The following CLN6 variants were observed in gnomAD, a reference collection of about 807,000 sequenced individuals.
CLN6 encodes the protein CLN6 transmembrane ER protein.
A neutral mutation model predicts 33.3 loss-of-function variants in CLN6; 22 were observed. The ratio of observed to expected loss-of-function variants is 0.66; its 90% CI spans 0.47 to 0.94. The LOEUF (loss-of-function observed/expected upper bound fraction) is 0.94, where lower values mean the gene tolerates loss of function less well. CLN6 is among the 40% of genes least tolerant of loss of function. The pLI, the probability that CLN6 is intolerant of heterozygous loss-of-function variation, is 0.00. For missense variants in CLN6, 387 were observed against 417.1 expected, an observed-to-expected ratio of 0.93 and a Z score of 0.63; for synonymous variants, 201 against 174.6, an observed-to-expected ratio of 1.15 and a Z score of -1.19.
At chr15:68,218,738 G>A in intron 1 of CLN6, 88 bp from the exon 2 acceptor site, 1 of 927,424 alleles carries the variant, frequency 1.1e-6, no homozygotes, top group Non-Finnish European at 1.7e-6. Flanking sequence ...GAGGTCTGGG[G>A]ACTTGAGGAC....
In CLN6 at chr15:68,210,518, T is replaced by C. The variant is rs1010650137; in HGVS notation, c.542+745A>G. Among the ~76,000 whole-genome samples the C allele has an allele frequency of 6.6e-6, 1 of 152,198 alleles. No individual in the cohort carries two copies. ...CCTGGAAATGCCCGTGCAGGGTGCG[T>C]GTGCTGTGAGCACCAACTCAGGAGT... is the stretch of plus-strand genomic sequence containing the variant. On this transcript the variant is annotated intron_variant, in intron 5 of 6. Transcript: ENST00000249806. The surrounding 1 kb of genome is among the most constrained non-coding windows in gnomAD (Gnocchi z 5.6).
chr15:68,226,355 CTGTT>C (rs2093251945), intron 1 of CLN6, among the ~76,000 whole-genome samples: 1 of 151,374 alleles, frequency 6.6e-6, no homozygotes, highest in African/African-American at 2.4e-5. Flanking sequence ...ACTTTGGAGA[CTGTT>C]TGGGTTCATA....
At position 68,234,825 on chromosome 15, in the gene CLN6, T is replaced by C. The variant is rs1567103166; in HGVS notation, c.180-16175A>G. The stretch of plus-strand genomic sequence containing the variant: ...TGAGGTCGGGAGTTTGAGACCAGCC[T>C]GGCCAACATAGTGAAACTCCGTCTC... On this transcript the variant is annotated intron_variant, in intron 1 of 6. Transcript: ENST00000538696. This position sits in a 1 kb window ranked among gnomAD's most constrained non-coding sequence, Gnocchi z 4.1. Among the ~76,000 whole-genome samples, 1 of 152,188 alleles carries C rather than the reference T, an allele frequency of 6.6e-6. No individual in the cohort carries two copies. Among genetic ancestry groups the C allele is most frequent in the Non-Finnish European group, 1.5e-5 (1 of 68,034 alleles).
In CLN6 at chr15:68,210,861, C is replaced by T. The variant is rs928201705; in HGVS notation, c.542+402G>A. Among the ~76,000 whole-genome samples the T allele has an allele frequency of 6.6e-6, 1 of 152,148 alleles. No homozygotes were observed. The highest frequency in any genetic ancestry group is 2.4e-5 in the African/African-American group (1 of 41,432). On this transcript the variant is annotated intron_variant, in intron 5 of 6. Transcript: ENST00000249806. The surrounding 1 kb of genome is among the most constrained non-coding windows in gnomAD (Gnocchi z 5.6). ...AGCAGGCCCGACACGGGTGGGGGTCCCTGGCTGTGCCCCCACCCCCTGCCA... is the reference window on the plus strand; with the variant it reads ...AGCAGGCCCGACACGGGTGGGGGTCTCTGGCTGTGCCCCCACCCCCTGCCA...
chr15:68,213,390 C>G, intron 3 of CLN6: 4 of 152,026 alleles, frequency 2.6e-5, no homozygotes, highest in Non-Finnish European at 5.9e-5. Context: ...AGGTGCCTGC[C>G]AGCATGCCCG....
rs1410069265 is a variant in CLN6, at chr15:68,211,034, G to C, written c.542+229C>G. ...TGGGCGGGGGTGGCGATGCTGGGGG[G>C]ATGCTGGCTGGAAGCCGGGGCCTGG... On this transcript the variant is annotated intron_variant, in intron 5 of 6. Transcript: ENST00000249806. This position sits in a 1 kb window ranked among gnomAD's most constrained non-coding sequence, Gnocchi z 5.9. Among the ~76,000 whole-genome samples the C allele has an allele frequency of 6.6e-6, 1 of 152,208 alleles. No individual in the cohort carries two copies. Among genetic ancestry groups the C allele is most frequent in the Non-Finnish European group, 1.5e-5 (1 of 68,030 alleles).
At chr15:68,217,394 T>C (rs2093223472) in intron 2 of CLN6, among the ~76,000 whole-genome samples, 1 of 152,188 alleles carries the variant, frequency 6.6e-6, no homozygotes, top group Admixed American at 6.5e-5. Context: ...CACACCCAGC[T>C]AATTTACAAA....
At chr15:68,229,793 GGGAGA>G, upstream of CLN6, 1 of 349,858 alleles carries the variant, frequency 2.9e-6, no homozygotes, top group East Asian at 4.8e-5. Context: ...GCGGGGCGGA[GGGAGA>G]CGGGGCGGGC....
chr15:68,221,175 T>C (rs1487222430), intron 1 of CLN6, among the ~76,000 whole-genome samples: 1 of 151,944 alleles, frequency 6.6e-6, no homozygotes, highest in African/African-American at 2.4e-5. Context: ...CTGTTTTTGA[T>C]TACTAGGCTT....
intron 1 of CLN6, among the ~76,000 whole-genome samples, chr15:68,225,240 G>GT (rs2093248509): frequency 1.3e-5 from 2 of 152,290 alleles, no homozygotes; most frequent in East Asian, 3.9e-4. Context: ...GAAAGCAAAT[G>GT]TAACTGTTAA....
Position 68,207,840 on chromosome 15 carries a change from G to A in CLN6, c.*300C>T, listed in dbSNP as rs886051439. 8.9e-6 allele frequency: 4 copies of A among 448,660 alleles called. No homozygotes were observed. Among genetic ancestry groups the A allele is most frequent in the Admixed American group, 3.4e-5 (1 of 28,996 alleles). 27.8% of individuals were successfully genotyped at this position (448,660 alleles called of 1,614,324 possible). A position where few individuals can be genotyped will look rare whatever the true frequency, so the allele number is the denominator to read the frequency against. ...CCCTGAGTAGGGAGTGTGGTCAGGT[G>A]CAGAGGAGGGCAGGGGCCCGGATCC... On this transcript the variant is annotated 3_prime_UTR_variant, in exon 7 of 7. Transcript: ENST00000249806.
upstream of CLN6, among the ~76,000 whole-genome samples, chr15:68,231,591 G>A (rs1464645357): frequency 6.6e-6 from 1 of 152,278 alleles, no homozygotes; most frequent in African/African-American, 2.4e-5. Context: ...GGAGGGGCAT[G>A]CAGTGCCCAT....
In CLN6 at chr15:68,210,827, C is replaced by T. The variant is rs762501567; in HGVS notation, c.542+436G>A. Among the ~76,000 whole-genome samples the T allele has an allele frequency of 1.3e-5, 2 of 152,250 alleles. No individual in the cohort carries two copies. Among genetic ancestry groups the T allele is most frequent in the African/African-American group, 2.4e-5 (1 of 41,480 alleles). ...AGCTGGCTCCCCGCAGCTTCCTCCA[C>T]TCCCAAAGAGCAGGCCCGACACGGG... is the stretch of plus-strand genomic sequence containing the variant. On this transcript the variant is annotated intron_variant, in intron 5 of 6. Transcript: ENST00000249806. The surrounding 1 kb of genome is among the most constrained non-coding windows in gnomAD (Gnocchi z 5.6).
intron 1 of CLN6, chr15:68,254,636 C>A: frequency 1.5e-6 from 1 of 669,220 alleles, no homozygotes. Flanking sequence ...CACCACCGTG[C>A]CCAGGAGAAA....
Position 68,227,951 on chromosome 15 carries a change from G to A in CLN6, c.83+1551C>T, listed in dbSNP as rs991791438. On this transcript the variant is annotated intron_variant, in intron 1 of 6. Coordinates refer to ENST00000249806, the MANE Select transcript of CLN6 (RefSeq NM_017882.3). The surrounding 1 kb of genome is among the most constrained non-coding windows in gnomAD (Gnocchi z 4.1). Reference sequence around the variant, plus strand: ...GAACAGAGACATCCCGCAGGCAGAAGAGGCTGCCTGGAAGAGGGGAGCTGG... The same window carrying A: ...GAACAGAGACATCCCGCAGGCAGAAAAGGCTGCCTGGAAGAGGGGAGCTGG... Among the ~76,000 whole-genome samples, 1 of 152,188 alleles carries A rather than the reference G, an allele frequency of 6.6e-6. No individual in the cohort carries two copies. Among genetic ancestry groups the A allele is most frequent in the Non-Finnish European group, 1.5e-5 (1 of 68,038 alleles).
In CLN6 at chr15:68,256,478, G is replaced by A. The variant is rs1892437852; in HGVS notation, c.179+212C>T. On this transcript the variant is annotated intron_variant, in intron 1 of 6. Transcript: ENST00000538696. This position sits in a 1 kb window ranked among gnomAD's most constrained non-coding sequence, Gnocchi z 4.1. ...CATATGTGGCTCGCACTGTATTTCT[G>A]TTGGGCAGCACTGCTCTAGCCGTTA... is the stretch of plus-strand genomic sequence containing the variant. 7.0e-6 allele frequency among the ~76,000 whole-genome samples: 1 copy of A among 143,882 alleles called. No homozygotes were observed. The highest frequency in any genetic ancestry group is 1.5e-5 in the Non-Finnish European group (1 of 65,444). The allele number at this position is 143,882 out of a possible 152,430, so 94.4% of individuals were successfully genotyped here. A position where few individuals can be genotyped will look rare whatever the true frequency, so the allele number is the denominator to read the frequency against.
rs1226365336 is a variant in CLN6, at chr15:68,246,558, T to C, written c.179+10132A>G. The stretch of plus-strand genomic sequence containing the variant: ...TAAACATAACAAAATATATGAGATA[T>C]GGTAAAAGCAGTACTCAGAGGGAAT... On this transcript the variant is annotated intron_variant, in intron 1 of 6. Transcript: ENST00000538696. This position sits in a 1 kb window ranked among gnomAD's most constrained non-coding sequence, Gnocchi z 4.5. Among the ~76,000 whole-genome samples the C allele has an allele frequency of 2.0e-5, 3 of 151,980 alleles. No homozygotes were observed. Among genetic ancestry groups the C allele is most frequent in the Admixed American group, 6.6e-5 (1 of 15,260 alleles).
At position 68,211,481 on chromosome 15, in the gene CLN6, G is replaced by A; in HGVS notation, c.487-163C>T. 1 of 1,552,584 alleles carries A rather than the reference G, an allele frequency of 6.4e-7. No homozygotes were observed. The highest frequency in any genetic ancestry group is 1.4e-5 in the African/African-American group (1 of 73,832). ...CTCGCCTTCTGTTACAGGGGCCCAG[G>A]TGGGAGGCAGTCTGTGCACCACTTC... On this transcript the variant is annotated intron_variant, in intron 4 of 6. Coordinates refer to ENST00000249806, the MANE Select transcript of CLN6 (RefSeq NM_017882.3). This position sits in a 1 kb window ranked among gnomAD's most constrained non-coding sequence, Gnocchi z 5.9.
chr15:68,252,265 C>T (rs1414134701), intron 1 of CLN6, among the ~76,000 whole-genome samples: 2 of 152,154 alleles, frequency 1.3e-5, no homozygotes, highest in Admixed American at 1.3e-4. Context: ...TGAGCCACCA[C>T]ACCCGGTCTT....
Sources: gnomAD v4.1 joint callset for allele counts (sites outside exome capture counted in the v4.1 genomes callset) on GRCh38, gnomAD v4.1.1 for gene constraint, Gnocchi (gnomAD v3.1) non-coding constraint, MANE v1.5 for transcripts, NCBI Gene and HGNC (gene_info 2026-07-23, HGNC 2026-07-21) for gene names.